Variants in ROBO2 observed in about 807,000 individuals in gnomAD.
The protein encoded by ROBO2 is roundabout guidance receptor 2.
A neutral mutation model predicts 160.8 loss-of-function variants in ROBO2; 53 were observed. That is an observed-to-expected ratio of 0.33 (90% CI 0.26 to 0.41). ROBO2 has a LOEUF of 0.41. Among genes scored for constraint, ROBO2 ranks in the 10% least tolerant of loss-of-function variants. The pLI, the probability that ROBO2 is intolerant of heterozygous loss-of-function variation, is 1.00. For synonymous variants in ROBO2, 664 were observed against 611.7 expected, an observed-to-expected ratio of 1.09 and a Z score of -1.26; for missense variants, 1,577 against 1,722.4, an observed-to-expected ratio of 0.92 and a Z score of 1.49.
chr3:76,939,043 A>G (rs2077969928), intron 2 of ROBO2, among the ~76,000 whole-genome samples: 2 of 151,848 alleles, frequency 1.3e-5, no homozygotes, highest in African/African-American at 2.4e-5. Context: ...AAAACAATGT[A>G]CAGAACATAT....
chr3:77,204,542 T>G (rs1410079462), intron 2 of ROBO2, among the ~76,000 whole-genome samples: 1 of 152,220 alleles, frequency 6.6e-6, no homozygotes, highest in Non-Finnish European at 1.5e-5. Flanking sequence ...TTTAAAAATC[T>G]ATATGTTTAA....
chr3:76,476,462 C>G (rs577225876), intron 2 of ROBO2, among the ~76,000 whole-genome samples: 51 of 152,260 alleles, frequency 3.3e-4, no homozygotes, highest in Non-Finnish European at 6.5e-4. Context: ...CAACACCTGT[C>G]TGTTGAAACA....
At chr3:77,271,847 AC>A (rs1328457000) in intron 2 of ROBO2, among the ~76,000 whole-genome samples, 2 of 152,042 alleles carry the variant, frequency 1.3e-5, no homozygotes, top group African/African-American at 2.4e-5. Context: ...CTTATGGTTA[AC>A]CCCTTTTCAT....
intron 2 of ROBO2, among the ~76,000 whole-genome samples, chr3:77,436,652 G>GA (rs1443200432): frequency 6.6e-6 from 1 of 151,808 alleles, no homozygotes; most frequent in African/African-American, 2.4e-5. Context: ...AAAGAACATA[G>GA]AAACTAATTT....
At chr3:77,015,353 G>C (rs146635548) in intron 2 of ROBO2, among the ~76,000 whole-genome samples, 180 of 152,204 alleles carry the variant, frequency 1.2e-3, no homozygotes, top group African/African-American at 4.1e-3. Flanking sequence ...ATTTATGGGA[G>C]GCACAGAAAT....
chr3:76,494,545 T>G (rs1304755078), intron 2 of ROBO2, among the ~76,000 whole-genome samples: 2 of 152,190 alleles, frequency 1.3e-5, no homozygotes, highest in Non-Finnish European at 2.9e-5. Context: ...CTTCCCATCC[T>G]TGATGATAAT....
intron 2 of ROBO2, among the ~76,000 whole-genome samples, chr3:76,230,496 T>G (rs1360436735): frequency 6.6e-6 from 1 of 152,086 alleles, no homozygotes; most frequent in East Asian, 1.9e-4. Flanking sequence ...TCTCCCCATT[T>G]AGGGTGCTTC....
chr3:77,421,968 T>G (rs2077756057), intron 2 of ROBO2, among the ~76,000 whole-genome samples: 2 of 152,210 alleles, frequency 1.3e-5, no homozygotes, highest in Non-Finnish European at 2.9e-5. Context: ...TCCTCAAAAT[T>G]TATTCAAATG....
At chr3:75,938,463 G>A (rs1947896275) in intron 2 of ROBO2, among the ~76,000 whole-genome samples, 1 of 151,842 alleles carries the variant, frequency 6.6e-6, no homozygotes, top group Admixed American at 6.6e-5. Flanking sequence ...TTTTCCTTTT[G>A]GGGCAAGTAT....
chr3:76,901,728 G>T (rs2075250744), intron 2 of ROBO2, among the ~76,000 whole-genome samples: 1 of 151,790 alleles, frequency 6.6e-6, no homozygotes, highest in Non-Finnish European at 1.5e-5. Context: ...AAGAACAATG[G>T]ATATTTTCTT....
chr3:77,404,118 A>G (rs1405358920), intron 2 of ROBO2, among the ~76,000 whole-genome samples: 1 of 152,318 alleles, frequency 6.6e-6, no homozygotes, highest in South Asian at 2.1e-4. Context: ...GACAGTCTCT[A>G]TATATAATAA....
intron 2 of ROBO2, among the ~76,000 whole-genome samples, chr3:76,148,167 C>A (rs1446190120): frequency 6.6e-6 from 1 of 152,084 alleles, no homozygotes; most frequent in East Asian, 1.9e-4. Context: ...CATTTCATAA[C>A]CTCATTTCTG....
In ROBO2 at chr3:76,123,070, T is replaced by C. The variant is rs78720973; in HGVS notation, c.109+185468T>C. Among the ~76,000 whole-genome samples, 650 of 152,238 alleles carry C rather than the reference T, an allele frequency of 4.3e-3. 12 individuals carry two copies. Among genetic ancestry groups the C allele is most frequent in the Admixed American group, 0.027 (419 of 15,276 alleles). ...CCTGTTTTCATATTTTCTTTCATTT[T>C]TTATGGAACTTTCACAGCTCAGTTT... On this transcript the variant is annotated intron_variant, in intron 2 of 26. Transcript: ENST00000487694.
intron 2 of ROBO2, among the ~76,000 whole-genome samples, chr3:76,951,982 A>G (rs1379301532): frequency 6.6e-6 from 1 of 152,140 alleles, no homozygotes; most frequent in East Asian, 1.9e-4. Flanking sequence ...TGTAAAATGT[A>G]TTTTTTCTCA....
intron 2 of ROBO2, among the ~76,000 whole-genome samples, chr3:76,021,837 A>G (rs1202231866): frequency 6.6e-6 from 1 of 151,636 alleles, no homozygotes; most frequent in Non-Finnish European, 1.5e-5. Flanking sequence ...CTGAAGGTTA[A>G]TGTGGCTGTG....
chr3:76,743,756 G>A (rs1331041101), intron 2 of ROBO2, among the ~76,000 whole-genome samples: 1 of 150,714 alleles, frequency 6.6e-6, no homozygotes, highest in Non-Finnish European at 1.5e-5. Flanking sequence ...CACTTATATT[G>A]CATGGAACAT....
intron 2 of ROBO2, among the ~76,000 whole-genome samples, chr3:76,431,060 A>C (rs2076415779): frequency 6.6e-6 from 1 of 152,072 alleles, no homozygotes; most frequent in African/African-American, 2.4e-5. Context: ...TCATTAAATA[A>C]CTCAGCAGTA....
chr3:76,383,620 A>G (rs1576822010), intron 2 of ROBO2, among the ~76,000 whole-genome samples: 1 of 152,300 alleles, frequency 6.6e-6, no homozygotes, highest in South Asian at 2.1e-4. Flanking sequence ...GTGTGTTAAG[A>G]GTGGAAAAGA....
chr3:76,958,435 GT>G (rs1277401593), intron 2 of ROBO2, among the ~76,000 whole-genome samples: 1 of 152,214 alleles, frequency 6.6e-6, no homozygotes, highest in Non-Finnish European at 1.5e-5. Flanking sequence ...TGCACTGAAT[GT>G]ACACATTTAA....
Sources: allele counts gnomAD v4.1 joint callset (sites outside exome capture counted in the v4.1 genomes callset), GRCh38; gene constraint gnomAD v4.1.1; transcripts MANE v1.5; gene names NCBI Gene and HGNC (gene_info 2026-07-23, HGNC 2026-07-21).